The following GALNT10 variants were observed in gnomAD, a reference collection of about 807,000 sequenced individuals.
GALNT10 encodes the protein polypeptide N-acetylgalactosaminyltransferase 10.
Under a neutral mutation model 75.0 loss-of-function variants are expected in GALNT10, and 41 were observed. That is an observed-to-expected ratio of 0.55 (90% CI 0.43 to 0.71). GALNT10 has a LOEUF of 0.71. Ranked by LOEUF, GALNT10 falls within the 30% of genes least tolerant of loss-of-function variation. The pLI is 0.00. For synonymous variants in GALNT10, 302 were observed against 313.0 expected (o/e 0.96, Z 0.37); for missense variants, 727 against 818.5 (o/e 0.89, Z 1.36).
At chr5:154,348,980 T>C (rs1332567159) in intron 4 of GALNT10, among the ~76,000 whole-genome samples, 1 of 152,202 alleles carries the variant, frequency 6.6e-6, no homozygotes, top group East Asian at 1.9e-4. Context: ...AACCCAGTTA[T>C]TAGTTTTTCA....
At chr5:154,207,438 G>C (rs933620044) in intron 1 of GALNT10, among the ~76,000 whole-genome samples, 4 of 152,158 alleles carry the variant, frequency 2.6e-5, no homozygotes, top group Non-Finnish European at 5.9e-5. Flanking sequence ...GTAGGGCTGT[G>C]ACTGGCCTAC....
rs1361313758 is a variant in GALNT10 at position 154,220,484 on chromosome 5, AT to A, written c.159+29462del. On this transcript the variant is annotated intron_variant, in intron 1 of 11. Coordinates refer to ENST00000297107, the MANE Select transcript of GALNT10 (RefSeq NM_198321.4). ...AAGGGAAGGGCTGAAGAAACTGCAC[AT>A]TTAGGTTTCCATGGAGGAAACTCAG... is the stretch of plus-strand genomic sequence containing the variant. 3 of 152,238 alleles carry A rather than the reference AT, an allele frequency of 2.0e-5. No individual in the cohort carries two copies. In the East Asian group the frequency reaches 5.8e-4, roughly 29 times the overall value. The allele number at this position is 152,238 out of a possible 1,614,324, so 9.4% of individuals were successfully genotyped here. A position where few individuals can be genotyped will look rare whatever the true frequency, so the allele number is the denominator to read the frequency against.
rs1756519912 is a variant in GALNT10 at position 154,416,775 on chromosome 5, C to T, written c.1654-39C>T. 2.0e-6 allele frequency: 3 copies of T among 1,511,180 alleles called. No individual in the cohort carries two copies. Among genetic ancestry groups the T allele is most frequent in the East Asian group, 4.5e-5 (2 of 44,366 alleles). 93.6% of individuals were successfully genotyped at this position (1,511,180 alleles called of 1,614,324 possible). On this transcript the variant is annotated intron_variant, in intron 11 of 11. Coordinates refer to ENST00000297107, the MANE Select transcript of GALNT10 (RefSeq NM_198321.4). This position sits in a 1 kb window ranked among gnomAD's most constrained non-coding sequence, Gnocchi z 4.5. ...TGCTGTGGTTTGACTGGCCACATGTCTCCAGTGCTGTCTGGCTTATTACCT... is the reference window on the plus strand; with the variant it reads ...TGCTGTGGTTTGACTGGCCACATGTTTCCAGTGCTGTCTGGCTTATTACCT...
intron 10 of GALNT10, 32 bp downstream of exon 10, chr5:154,413,037 G>A: frequency 7.2e-7 from 1 of 1,395,846 alleles, no homozygotes; most frequent in South Asian, 1.2e-5. Context: ...CTGGCAGCCA[G>A]GTTCTCTGAA....
At chr5:154,336,466 T>C (rs939337279) in intron 4 of GALNT10, among the ~76,000 whole-genome samples, 1 of 152,170 alleles carries the variant, frequency 6.6e-6, no homozygotes, top group African/African-American at 2.4e-5. Flanking sequence ...TGAATGAGAG[T>C]TCCTGCTGTT....
At chr5:154,313,876 C>T (rs1033746620) in intron 3 of GALNT10, among the ~76,000 whole-genome samples, 2 of 152,154 alleles carry the variant, frequency 1.3e-5, no homozygotes, top group African/African-American at 2.4e-5. Context: ...TCACACTCTA[C>T]CCACTAAGAC....
In GALNT10 at chr5:154,201,937, G is replaced by GA. The variant is rs5872362; in HGVS notation, c.159+10925dup. ...GAGCAAGATTCCGTCTCGAGGAAAA[G>GA]AAAAAAAAAAAAAGAAATGATGTAG... On this transcript the variant is annotated intron_variant, in intron 1 of 11. Coordinates refer to ENST00000297107, the MANE Select transcript of GALNT10 (RefSeq NM_198321.4). 1.4e-3 allele frequency among the ~76,000 whole-genome samples: 203 copies of GA among 144,516 alleles called. 1 individual carries two copies. The South Asian group carries it at 0.016, about 11-fold the overall frequency. The allele number at this position is 144,516 out of a possible 152,430, so 94.8% of individuals were successfully genotyped here.
intron 4 of GALNT10, among the ~76,000 whole-genome samples, chr5:154,332,437 TCTG>T (rs1374320404): frequency 6.6e-6 from 1 of 152,168 alleles, no homozygotes; most frequent in Non-Finnish European, 1.5e-5. Flanking sequence ...GTGCCCTTCC[TCTG>T]CCTGAACGCC....
intron 1 of GALNT10, among the ~76,000 whole-genome samples, chr5:154,209,561 C>T (rs1378400730): frequency 2.0e-5 from 3 of 152,162 alleles, no homozygotes; most frequent in African/African-American, 7.2e-5. Context: ...CAGGTTCTTG[C>T]GGAGGGCTCT....
At chr5:154,226,469 G>A (rs939337942) in intron 1 of GALNT10, among the ~76,000 whole-genome samples, 1 of 152,072 alleles carries the variant, frequency 6.6e-6, no homozygotes, top group South Asian at 2.1e-4. Flanking sequence ...TATGATTCTA[G>A]TTGACAGTGT....
chr5:154,206,276 A>T (rs192071598), intron 1 of GALNT10, among the ~76,000 whole-genome samples: 7 of 152,346 alleles, frequency 4.6e-5, no homozygotes, highest in Admixed American at 4.6e-4. Flanking sequence ...TTAGCCTTGA[A>T]TCCCAGTGAA....
chr5:154,286,902 G>T lies in GALNT10; in HGVS notation c.160-7914G>T, dbSNP rs1318517195. Among the ~76,000 whole-genome samples the T allele has an allele frequency of 2.0e-5, 3 of 152,148 alleles. No homozygotes were observed. The East Asian group carries it at 5.8e-4, about 29-fold the overall frequency. On this transcript the variant is annotated intron_variant, in intron 1 of 11. Transcript: ENST00000297107. ...TTCCATTCATAAATAGTGCCATTCA[G>T]GTTTGATTGTTTTCTCATACAGCTT...
chr5:154,361,815 G>A (rs1317224637), intron 4 of GALNT10, among the ~76,000 whole-genome samples: 21 of 152,158 alleles, frequency 1.4e-4, no homozygotes, highest in Non-Finnish European at 4.4e-5. Flanking sequence ...ATTTCTTAAT[G>A]CCCCCCAGAG....
intron 1 of GALNT10, among the ~76,000 whole-genome samples, chr5:154,233,014 T>C (rs1234999903): frequency 6.6e-6 from 1 of 152,216 alleles, no homozygotes; most frequent in Non-Finnish European, 1.5e-5. Context: ...ACAAGGTCGC[T>C]GATCTTGGAC....
At chr5:154,245,537 C>CT (rs36050515) in intron 1 of GALNT10, among the ~76,000 whole-genome samples, 92,857 of 147,424 alleles carry the variant, frequency 0.63, 29,519 homozygotes, top group East Asian at 0.86. Flanking sequence ...CGAGCTCTGG[C>CT]TTTTTTTTTT....
intron 3 of GALNT10, among the ~76,000 whole-genome samples, chr5:154,310,441 GTT>G (rs34086082): frequency 0.44 from 65,823 of 149,562 alleles, 15,365 homozygotes; most frequent in East Asian, 0.65. Context: ...GGTTTTTTTT[GTT>G]TTTTTTTTTG....
At chr5:154,274,363 A>G (rs1034293964) in intron 1 of GALNT10, among the ~76,000 whole-genome samples, 8 of 152,236 alleles carry the variant, frequency 5.3e-5, no homozygotes, top group Non-Finnish European at 1.2e-4. Context: ...AAACATGCTT[A>G]TGAACACAGA....
chr5:154,201,305 A>C (rs1226374026), intron 1 of GALNT10, among the ~76,000 whole-genome samples: 1 of 152,180 alleles, frequency 6.6e-6, no homozygotes, highest in Non-Finnish European at 1.5e-5. Flanking sequence ...TCACAGATGC[A>C]AAAACTGAGG....
intron 6 of GALNT10, among the ~76,000 whole-genome samples, chr5:154,382,069 A>T (rs1167463722): frequency 6.6e-6 from 1 of 152,222 alleles, no homozygotes; most frequent in Non-Finnish European, 1.5e-5. Flanking sequence ...CCTTCAGTGA[A>T]CCACATTTCT....
Sources: gnomAD v4.1 joint callset for allele counts (sites outside exome capture counted in the v4.1 genomes callset) on GRCh38, gnomAD v4.1.1 for gene constraint, Gnocchi (gnomAD v3.1) non-coding constraint, MANE v1.5 for transcripts, NCBI Gene and HGNC (gene_info 2026-07-23, HGNC 2026-07-21) for gene names.